Variants in SFMBT2 observed in about 807,000 individuals in gnomAD.
The protein encoded by SFMBT2 is scm-like with four MBT domains protein 2.
Under a neutral mutation model 110.1 loss-of-function variants are expected in SFMBT2, and 38 were observed. The ratio of observed to expected loss-of-function variants is 0.35; its 90% CI spans 0.27 to 0.45. The LOEUF (loss-of-function observed/expected upper bound fraction) is 0.45. Ranked by LOEUF, SFMBT2 falls within the 20% of genes least tolerant of loss-of-function variation. The pLI is 1.00. For synonymous variants in SFMBT2, 425 were observed against 425.4 expected, an observed-to-expected ratio of 1.00 and a Z score of 0.01; for missense variants, 1,011 against 1,094.9, an observed-to-expected ratio of 0.92 and a Z score of 1.08.
intron 6 of SFMBT2, among the ~76,000 whole-genome samples, chr10:7,280,395 AG>A (rs1432954136): frequency 9.9e-5 from 15 of 151,436 alleles, no homozygotes; most frequent in Non-Finnish European, 1.3e-4. Context: ...AAATGGGGGG[AG>A]GGGGTGATAA....
rs866376750 is a variant in SFMBT2 at position 7,170,021 on chromosome 10, G to A, written c.2544+907C>T. ...CATTCAGTACGACACACCAGCCAGC[G>A]GGCTTCTGCTCTGGGCAGGCCAGGT... On this transcript the variant is annotated intron_variant, in intron 20 of 20. Coordinates refer to ENST00000397167, the MANE Select transcript of SFMBT2 (RefSeq NM_001387889.1). This position sits in a 1 kb window ranked among gnomAD's most constrained non-coding sequence, Gnocchi z 4.6. Among the ~76,000 whole-genome samples, 1 of 152,150 alleles carries A rather than the reference G, an allele frequency of 6.6e-6. No individual in the cohort carries two copies. The highest frequency in any genetic ancestry group is 1.5e-5 in the Non-Finnish European group (1 of 68,024).
intron 7 of SFMBT2, among the ~76,000 whole-genome samples, chr10:7,256,510 GT>G: frequency 6.6e-6 from 1 of 152,166 alleles, no homozygotes; most frequent in East Asian, 1.9e-4. Flanking sequence ...CTTCCAAAAT[GT>G]TTACCTACAG....
chr10:7,397,173 C>T (rs1405373305), intron 1 of SFMBT2, among the ~76,000 whole-genome samples: 1 of 152,200 alleles, frequency 6.6e-6, no homozygotes, highest in Non-Finnish European at 1.5e-5. Flanking sequence ...TCATTCTCAT[C>T]TCCATTCATC....
chr10:7,385,204 G>A (rs552061878), intron 1 of SFMBT2, among the ~76,000 whole-genome samples: 3 of 152,200 alleles, frequency 2.0e-5, no homozygotes, highest in South Asian at 2.1e-4. Context: ...TATTACAAAG[G>A]GTAAGATATG....
At chr10:7,268,573 C>T (rs917927855) in intron 7 of SFMBT2, among the ~76,000 whole-genome samples, 7 of 151,796 alleles carry the variant, frequency 4.6e-5, no homozygotes, top group African/African-American at 1.7e-4. Context: ...TGCAGTGGCA[C>T]GATCTCGGCT....
intron 15 of SFMBT2, among the ~76,000 whole-genome samples, chr10:7,192,251 G>A (rs759194235): frequency 2.0e-4 from 31 of 152,142 alleles, no homozygotes; most frequent in Non-Finnish European, 3.2e-4. Flanking sequence ...CTTTGATTCC[G>A]AGGACTGACT....
At chr10:7,354,467 C>T (rs964462945) in intron 4 of SFMBT2, among the ~76,000 whole-genome samples, 1 of 151,992 alleles carries the variant, frequency 6.6e-6, no homozygotes, top group South Asian at 2.1e-4. Context: ...TCTCAACCAA[C>T]GTAGGAGAGG....
intron 16 of SFMBT2, among the ~76,000 whole-genome samples, chr10:7,186,955 T>C (rs2131572407): frequency 6.6e-6 from 1 of 152,326 alleles, no homozygotes; most frequent in Middle Eastern, 3.4e-3. Flanking sequence ...CCATGGAACT[T>C]TTTGTCATAT....
chr10:7,220,328 G>C, intron 11 of SFMBT2, 83 bp downstream of exon 11: 1 of 1,142,234 alleles, frequency 8.8e-7, no homozygotes, highest in Non-Finnish European at 1.3e-6. Context: ...CCCCTTCTGA[G>C]AAGGGCTGCT....
chr10:7,300,962 C>A (rs544043371), intron 4 of SFMBT2, among the ~76,000 whole-genome samples: 1 of 152,074 alleles, frequency 6.6e-6, no homozygotes, highest in Non-Finnish European at 1.5e-5. Flanking sequence ...TTGTGTCGTA[C>A]AAAAGTCCAG....
intron 1 of SFMBT2, among the ~76,000 whole-genome samples, chr10:7,384,524 T>A (rs538309109): frequency 6.6e-6 from 1 of 151,784 alleles, no homozygotes; most frequent in African/African-American, 2.4e-5. Flanking sequence ...AACGGTTTTT[T>A]AATAAAAAAA....
chr10:7,206,388 G>A (rs1294774776), intron 11 of SFMBT2: 1 of 985,378 alleles, frequency 1.0e-6, no homozygotes, highest in Non-Finnish European at 1.2e-6. Context: ...ACCAAGTAAA[G>A]GCAACCTTCA....
intron 7 of SFMBT2, among the ~76,000 whole-genome samples, chr10:7,265,773 T>C (rs976342923): frequency 3.3e-5 from 5 of 152,176 alleles, no homozygotes; most frequent in African/African-American, 1.2e-4. Context: ...GTTTTGATCC[T>C]TCTAAGTTAA....
intron 11 of SFMBT2, among the ~76,000 whole-genome samples, chr10:7,220,079 T>C (rs1016282493): frequency 4.6e-5 from 7 of 152,252 alleles, no homozygotes; most frequent in African/African-American, 1.7e-4. Context: ...GTCCTGATAA[T>C]AACCGAGACC....
At chr10:7,220,600 T>A in intron 10 of SFMBT2, 63 bp from the exon 11 acceptor site, 1 of 1,590,184 alleles carries the variant, frequency 6.3e-7, no homozygotes, top group Non-Finnish European at 8.6e-7. Context: ...GCTGGGCAGA[T>A]GAAGAAAGAG....
chr10:7,406,675 G>T (rs1272886016), intron 1 of SFMBT2, among the ~76,000 whole-genome samples: 2 of 152,186 alleles, frequency 1.3e-5, no homozygotes, highest in African/African-American at 2.4e-5. Context: ...AGTCTATAAT[G>T]TCTGCAAGAA....
chr10:7,379,276 C>T (rs1373850394), intron 2 of SFMBT2, among the ~76,000 whole-genome samples: 2 of 152,172 alleles, frequency 1.3e-5, no homozygotes, highest in Non-Finnish European at 2.9e-5. Flanking sequence ...TCTGCAACAG[C>T]CCCAAACCTG....
intron 6 of SFMBT2, among the ~76,000 whole-genome samples, chr10:7,282,512 TACATCCTTCTTCACA>T (rs1249655322): frequency 5.9e-5 from 9 of 152,238 alleles, no homozygotes; most frequent in Non-Finnish European, 8.8e-5. Flanking sequence ...AACCCGGGCT[TACATCCTTCTTCACA>T]ACACGACAGG....
chr10:7,297,297 C>A (rs1842430545), intron 4 of SFMBT2, among the ~76,000 whole-genome samples: 1 of 152,172 alleles, frequency 6.6e-6, no homozygotes, highest in African/African-American at 2.4e-5. Context: ...CCAGATGGCA[C>A]TACCTGGGTT....
Sources: allele counts gnomAD v4.1 joint callset (sites outside exome capture counted in the v4.1 genomes callset), GRCh38; gene constraint gnomAD v4.1.1; non-coding constraint Gnocchi (gnomAD v3.1); transcripts MANE v1.5; gene names NCBI Gene and HGNC (gene_info 2026-07-23, HGNC 2026-07-21).